Variants in AGT observed in about 807,000 individuals in gnomAD.
The protein encoded by AGT is angiotensinogen.
In AGT, 26 loss-of-function variants were observed where a neutral mutation model predicts 28.1. The ratio of observed to expected loss-of-function variants is 0.92; its 90% CI spans 0.68 to 1.28. AGT has a LOEUF of 1.28. Among genes scored for constraint, AGT ranks in the 50% most tolerant of loss-of-function variants. The probability of loss-of-function intolerance (pLI) is 0.00; values close to 1 mark genes in which losing one functional copy is unlikely to be tolerated. For synonymous variants in AGT, 259 were observed against 259.6 expected (o/e 1.00, Z 0.02); for missense variants, 596 against 592.3 (o/e 1.01, Z -0.06).
chr1:230,738,054 T>C (rs1664185499), intron 1 of AGT, among the ~76,000 whole-genome samples: 1 of 152,270 alleles, frequency 6.6e-6, no homozygotes, highest in South Asian at 2.1e-4. Flanking sequence ...GGCTGAATAA[T>C]GTTCCACTAC....
chr1:230,705,670 T>C lies in AGT; in HGVS notation c.1097+263A>G, dbSNP rs544570516. ...TCCCCCTCCAAAACTACCAGGCAAGTGTAAGTGTAGAAAAAGCATTCTTCC... is the reference window on the plus strand; with the variant it reads ...TCCCCCTCCAAAACTACCAGGCAAGCGTAAGTGTAGAAAAAGCATTCTTCC... On this transcript the variant is annotated intron_variant, in intron 3 of 4. Transcript: ENST00000366667. 2.0e-5 allele frequency among the ~76,000 whole-genome samples: 3 copies of C among 152,336 alleles called. No individual in the cohort carries two copies. The South Asian group carries it at 6.2e-4, about 32-fold the overall frequency.
intron 1 of AGT, among the ~76,000 whole-genome samples, chr1:230,728,830 C>T (rs1228371432): frequency 6.6e-6 from 1 of 152,172 alleles, no homozygotes; most frequent in Non-Finnish European, 1.5e-5. Context: ...GGAAACACAT[C>T]CAACACAACC....
intron 1 of AGT, among the ~76,000 whole-genome samples, chr1:230,731,804 T>G (rs1180465554): frequency 6.6e-6 from 1 of 151,856 alleles, no homozygotes. Context: ...GAGGCGGAGG[T>G]TGCAACGAAC....
At chr1:230,716,802 C>T (rs1312804759), upstream of AGT, among the ~76,000 whole-genome samples, 4 of 151,850 alleles carry the variant, frequency 2.6e-5, no homozygotes, top group African/African-American at 4.8e-5. Flanking sequence ...TCTTTATTAG[C>T]AGCGTGAGAA....
chr1:230,723,230 G>A (rs1288525356), intron 1 of AGT, among the ~76,000 whole-genome samples: 1 of 151,834 alleles, frequency 6.6e-6, no homozygotes, highest in Non-Finnish European at 1.5e-5. Context: ...AGTTTCCTGA[G>A]GCCTCCCCAG....
At chr1:230,715,285 A>G (rs1201125512), upstream of AGT, among the ~76,000 whole-genome samples, 2 of 152,186 alleles carry the variant, frequency 1.3e-5, no homozygotes, top group African/African-American at 4.8e-5. Context: ...ATTCTGAAAT[A>G]CATTTTTTTA....
chr1:230,725,659 T>C (rs1663927574), intron 1 of AGT, among the ~76,000 whole-genome samples: 1 of 152,160 alleles, frequency 6.6e-6, no homozygotes, highest in Admixed American at 6.5e-5. Flanking sequence ...TTGCGAAAAC[T>C]GAGTTCTAGA....
At chr1:230,744,894 C>T (rs896908181) in intron 1 of AGT, among the ~76,000 whole-genome samples, 21 of 152,156 alleles carry the variant, frequency 1.4e-4, no homozygotes, top group African/African-American at 4.8e-4. Context: ...AGGGGATGCT[C>T]CCAGAGATCT....
At chr1:230,718,289 G>A (rs1571981406), upstream of AGT, among the ~76,000 whole-genome samples, 1 of 151,892 alleles carries the variant, frequency 6.6e-6, no homozygotes, top group East Asian at 1.9e-4. Flanking sequence ...TTTATATAAG[G>A]TGTACAGCAT....
rs557964080 is a variant in AGT, at chr1:230,704,199, C to A, written c.1236G>T (p.Val412=). The stretch of plus-strand genomic sequence containing the variant: ...GACACAGGCTCACACATACCTCCCC[C>A]ACCCTGATGCGGTCATTGCTCAATT... The part of the protein sequence containing the change: ...LQKLSNDRIR[V]GEVLNSIFFE... The change falls in exon 4 of 5, where the codon GTG becomes GTT. Residue 412 remains valine (V), a synonymous_variant. Coordinates refer to ENST00000366667, the MANE Select transcript of AGT (RefSeq NM_001384479.1). 1.9e-6 allele frequency: 3 copies of A among 1,614,272 alleles called. No homozygotes were observed. The highest frequency in any genetic ancestry group is 1.3e-5 in the African/African-American group (1 of 75,076).
intron 1 of AGT, among the ~76,000 whole-genome samples, chr1:230,726,525 G>C (rs558767085): frequency 5.3e-5 from 8 of 151,904 alleles, no homozygotes; most frequent in African/African-American, 1.7e-4. Context: ...AAGATCCTAA[G>C]ATGTCACTCT....
At position 230,710,232 on chromosome 1, in the gene AGT, T is replaced by G; in HGVS notation, c.592A>C (p.Thr198Pro). 1.2e-6 allele frequency: 2 copies of G among 1,613,644 alleles called. No homozygotes were observed. The highest frequency in any genetic ancestry group is 1.7e-6 in the Non-Finnish European group (2 of 1,179,978). ...GGGGCTGTGAACACGCCCACCACCG[T>G]GGACAGCAGCAGCTGGGCCTGGCTA... ...ADSQAQLLLS[T>P]VVGVFTAPGL... is the part of the protein sequence containing the mutation. The change falls in exon 2 of 5, where the codon ACG (threonine) becomes CCG (proline). Residue 198 changes from threonine to proline, a missense_variant. By Grantham distance (38) the Thr-to-Pro change is conservative. Transcript: ENST00000366667.
rs1362704509 is a variant in AGT at position 230,703,242 on chromosome 1, C to T, written c.1330G>A (p.Glu444Lys). The T allele has an allele frequency of 6.2e-7, 1 of 1,614,190 alleles. No individual in the cohort carries two copies. The highest frequency in any genetic ancestry group is 1.7e-5 in the Admixed American group (1 of 60,026). ...TQQLNKPEVL[E>K]VTLNRPFLFA... is the part of the protein sequence containing the mutation. ...AGGAATGGGCGGTTCAGGGTCACCTCCAAGACCTCAGGCTTGTTAAGCTGT... is the reference window on the plus strand; with the variant it reads ...AGGAATGGGCGGTTCAGGGTCACCTTCAAGACCTCAGGCTTGTTAAGCTGT... The change falls in exon 5 of 5, where the codon GAG becomes AAG. Residue 444 changes from glutamate (E) to lysine (K), a missense_variant. Transcript: ENST00000366667.
chr1:230,735,939 A>G (rs1664146707), intron 1 of AGT, among the ~76,000 whole-genome samples: 1 of 152,068 alleles, frequency 6.6e-6, no homozygotes, highest in Non-Finnish European at 1.5e-5. Context: ...TCTTCTCAGG[A>G]CCCTGCCTTT....
chr1:230,743,102 T>C (rs1043456490), intron 1 of AGT, among the ~76,000 whole-genome samples: 1 of 152,168 alleles, frequency 6.6e-6, no homozygotes, highest in Non-Finnish European at 1.5e-5. Context: ...GCAATTCTCC[T>C]GCCTCAGCCT....
chr1:230,709,360 GGA>G (rs1474430485), intron 2 of AGT, among the ~76,000 whole-genome samples: 1 of 151,872 alleles, frequency 6.6e-6, no homozygotes, highest in Non-Finnish European at 1.5e-5. Flanking sequence ...CTTGAGGCCA[GGA>G]GTTCAAGGCT....
rs114349954 is a variant in AGT, at chr1:230,743,285, G to A, written c.-31+2230C>T. ...GGATTACAGGTGTGAGCCATTGCAC[G>A]CAGTCGTCTTACTCTTAACATACCC... On this transcript the variant is annotated intron_variant, in intron 1 of 4. Coordinates refer to the AGT transcript ENST00000681269. Among the ~76,000 whole-genome samples the A allele has an allele frequency of 3.9e-3, 592 of 152,204 alleles. 4 individuals are homozygous for A. The highest frequency in any genetic ancestry group is 0.013 in the African/African-American group (545 of 41,540).
At chr1:230,741,021 C>T (rs897805479) in intron 1 of AGT, among the ~76,000 whole-genome samples, 1 of 152,102 alleles carries the variant, frequency 6.6e-6, no homozygotes. Flanking sequence ...TCAAGTCATC[C>T]TAAGATCTGT....
intron 1 of AGT, among the ~76,000 whole-genome samples, chr1:230,745,118 C>T (rs951744332): frequency 2.6e-5 from 4 of 152,196 alleles, no homozygotes; most frequent in Non-Finnish European, 5.9e-5. Context: ...GCCAGAGGAC[C>T]CCAGTTCCAA....
Sources: allele counts gnomAD v4.1 joint callset (sites outside exome capture counted in the v4.1 genomes callset), GRCh38; gene constraint gnomAD v4.1.1; transcripts MANE v1.5; gene names NCBI Gene and HGNC (gene_info 2026-07-23, HGNC 2026-07-21).